The following TMOD1 variants were observed in gnomAD, a reference collection of about 807,000 sequenced individuals.
TMOD1 encodes the protein tropomodulin-1.
TMOD1 carries 17 observed loss-of-function variants against 40.6 expected under a neutral mutation model. The observed-to-expected ratio is 0.42, with a 90% CI of 0.29 to 0.63. The LOEUF (loss-of-function observed/expected upper bound fraction) is 0.63. Ranked by LOEUF, TMOD1 falls within the 20% of genes least tolerant of loss-of-function variation. The pLI is 0.22. For missense variants in TMOD1, 391 were observed against 447.6 expected, an observed-to-expected ratio of 0.87 and a Z score of 1.14; for synonymous variants, 181 against 175.0, an observed-to-expected ratio of 1.03 and a Z score of -0.27.
chr9:97,599,838 T>A lies in TMOD1; in HGVS notation c.*140T>A. The A allele has an allele frequency of 6.7e-7, 1 of 1,483,588 alleles. No homozygotes were observed. Among genetic ancestry groups the A allele is most frequent in the Non-Finnish European group, 9.0e-7 (1 of 1,108,584 alleles). 91.9% of individuals were successfully genotyped at this position (1,483,588 alleles called of 1,614,324 possible). A position where few individuals can be genotyped will look rare whatever the true frequency, so the allele number is the denominator to read the frequency against. On this transcript the variant is annotated 3_prime_UTR_variant, in exon 10 of 10. Transcript: ENST00000259365. ...GTTCTTTATGCACTAAGGTTTTAGG[T>A]TGACTAGTGGTTGTAGTTGAAAATT...
intron 2 of TMOD1, among the ~76,000 whole-genome samples, chr9:97,536,238 C>T (rs1488246174): frequency 6.6e-6 from 1 of 152,156 alleles, no homozygotes; most frequent in Non-Finnish European, 1.5e-5. Flanking sequence ...AAAATAAAAT[C>T]CTCAAGGCCA....
At chr9:97,588,713 ATATT>A (rs1825933577) in intron 8 of TMOD1, among the ~76,000 whole-genome samples, 1 of 152,110 alleles carries the variant, frequency 6.6e-6, no homozygotes, top group Admixed American at 6.5e-5. Context: ...GATGTTTTTT[ATATT>A]TATTTAGGTC....
At chr9:97,541,050 G>A (rs905449139) in intron 2 of TMOD1, among the ~76,000 whole-genome samples, 2 of 151,950 alleles carry the variant, frequency 1.3e-5, no homozygotes, top group African/African-American at 4.8e-5. Flanking sequence ...GCTGTGAAAT[G>A]GTATCTCATT....
At chr9:97,546,102 G>A in intron 2 of TMOD1, 83 bp from the exon 3 acceptor site, 1 of 1,475,494 alleles carries the variant, frequency 6.8e-7, no homozygotes, top group Non-Finnish European at 9.0e-7. Context: ...TTCTGGAGAA[G>A]TGCAAGTCTT....
intron 1 of TMOD1, among the ~76,000 whole-genome samples, chr9:97,514,772 T>C (rs1458070938): frequency 6.6e-6 from 1 of 152,172 alleles, no homozygotes; most frequent in African/African-American, 2.4e-5. Context: ...TGCCAGGACA[T>C]TAGGTAATCT....
At chr9:97,535,711 C>T (rs1220846337) in intron 2 of TMOD1, among the ~76,000 whole-genome samples, 1 of 152,202 alleles carries the variant, frequency 6.6e-6, no homozygotes, top group Non-Finnish European at 1.5e-5. Context: ...CCTTGAATAC[C>T]AGAGAGAGAC....
chr9:97,553,176 T>C (rs1051364193), intron 3 of TMOD1, 105 bp from the exon 4 acceptor site: 5 of 1,536,164 alleles, frequency 3.3e-6, no homozygotes, highest in African/African-American at 2.7e-5. Context: ...ACTCTCAGCA[T>C]GGAGGGACCC....
At position 97,601,210 on chromosome 9, in the gene TMOD1, A is replaced by G; in HGVS notation, c.*1512A>G. 44 of 1,288,132 alleles carry G rather than the reference A, an allele frequency of 3.4e-5. No individual in the cohort carries two copies. In the South Asian group the frequency reaches 5.5e-4, roughly 16 times the overall value. 79.8% of individuals were successfully genotyped at this position (1,288,132 alleles called of 1,614,324 possible). ...AAACACAATTGCAGCTGCATTCTGC[A>G]TCGCTGAAAACTGCAATATAATATT... On this transcript the variant is annotated 3_prime_UTR_variant, in exon 10 of 10. Transcript: ENST00000259365.
At chr9:97,524,878 G>T (rs977585217) in intron 2 of TMOD1, among the ~76,000 whole-genome samples, 6 of 151,480 alleles carry the variant, frequency 4.0e-5, no homozygotes, top group Admixed American at 2.6e-4. Context: ...ATATCAGGGG[G>T]AATAATCTGT....
At chr9:97,559,772 TAAAAAAAAAAA>T (rs58522887) in intron 4 of TMOD1, among the ~76,000 whole-genome samples, 474 of 36,746 alleles carry the variant, frequency 0.013, 7 homozygotes, top group Non-Finnish European at 0.017. Context: ...CTCAAAAATT[TAAAAAAAAAAA>T]AAAAAAAAAA....
intron 3 of TMOD1, among the ~76,000 whole-genome samples, chr9:97,548,902 C>T (rs1474344428): frequency 6.6e-6 from 1 of 152,204 alleles, no homozygotes; most frequent in Non-Finnish European, 1.5e-5. Flanking sequence ...GACCCTCCAG[C>T]TCTGACTGGC....
At chr9:97,549,120 G>T (rs536968307) in intron 3 of TMOD1, among the ~76,000 whole-genome samples, 1 of 152,342 alleles carries the variant, frequency 6.6e-6, no homozygotes, top group East Asian at 1.9e-4. Flanking sequence ...CTCCAGGCAG[G>T]ATGTTTTCAT....
At chr9:97,531,039 C>A (rs1013062557) in intron 2 of TMOD1, among the ~76,000 whole-genome samples, 3 of 138,398 alleles carry the variant, frequency 2.2e-5, no homozygotes, top group African/African-American at 5.3e-5. Context: ...CCACACCCAC[C>A]CCCCCCACCA....
At chr9:97,566,442 G>A (rs911746937) in intron 7 of TMOD1, among the ~76,000 whole-genome samples, 5 of 152,086 alleles carry the variant, frequency 3.3e-5, no homozygotes, top group African/African-American at 4.8e-5. Flanking sequence ...AGGTCAAGAC[G>A]GGTGGATCAC....
intron 2 of TMOD1, among the ~76,000 whole-genome samples, chr9:97,530,124 C>T (rs1234558599): frequency 1.3e-5 from 2 of 152,108 alleles, no homozygotes; most frequent in African/African-American, 2.4e-5. Flanking sequence ...GGGAATTATG[C>T]GTAAATTCTT....
intron 1 of TMOD1, among the ~76,000 whole-genome samples, chr9:97,523,172 A>G (rs1829944290): frequency 6.6e-6 from 1 of 152,262 alleles, no homozygotes; most frequent in Non-Finnish European, 1.5e-5. Context: ...CAGATGAGTT[A>G]ACAGGTCTGA....
intron 8 of TMOD1, among the ~76,000 whole-genome samples, chr9:97,573,718 C>T (rs1830858034): frequency 6.6e-6 from 1 of 152,198 alleles, no homozygotes; most frequent in Non-Finnish European, 1.5e-5. Flanking sequence ...TTACCGTGTG[C>T]ACCCGGCCTA....
intron 8 of TMOD1, among the ~76,000 whole-genome samples, chr9:97,587,902 A>G (rs1283860539): frequency 2.0e-5 from 3 of 152,170 alleles, no homozygotes; most frequent in Admixed American, 2.0e-4. Flanking sequence ...TTCCAGGGTC[A>G]TTCGTGTTGT....
chr9:97,554,988 A>G (rs570691311), intron 4 of TMOD1, among the ~76,000 whole-genome samples: 1 of 123,900 alleles, frequency 8.1e-6, no homozygotes, highest in Non-Finnish European at 1.8e-5. Context: ...AAGTCCAGAC[A>G]GCCCTTTCCT....
Sources: gnomAD v4.1 joint callset for allele counts (sites outside exome capture counted in the v4.1 genomes callset) on GRCh38, gnomAD v4.1.1 for gene constraint, MANE v1.5 for transcripts, NCBI Gene and HGNC (gene_info 2026-07-23, HGNC 2026-07-21) for gene names.